ERI3: variants seen among roughly 807,000 people sequenced by gnomAD.
ERI3 encodes the protein ERI1 exoribonuclease family member 3, also known as ERI1 exoribonuclease 3.
Under a neutral mutation model 44.4 loss-of-function variants are expected in ERI3, and 18 were observed. The observed-to-expected ratio is 0.41, with a 90% CI of 0.28 to 0.60. The LOEUF is 0.60. Ranked by LOEUF, ERI3 falls within the 20% of genes least tolerant of loss-of-function variation. The pLI is 0.36. For synonymous variants in ERI3, 183 were observed against 164.8 expected, an observed-to-expected ratio of 1.11 and a Z score of -0.84; for missense variants, 294 against 435.5, an observed-to-expected ratio of 0.68 and a Z score of 2.89.
chr1:44,330,248 A>T (rs927985647), intron 3 of ERI3, among the ~76,000 whole-genome samples: 3 of 152,204 alleles, frequency 2.0e-5, no homozygotes, highest in African/African-American at 4.8e-5. Context: ...GGCATCTCCA[A>T]ATAAGTGCCT....
rs1182797796 is a variant in ERI3 at position 44,223,280 on chromosome 1, GTC to G, written c.932-1642_932-1641del. Among the ~76,000 whole-genome samples the G allele has an allele frequency of 4.6e-5, 7 of 152,104 alleles. No homozygotes were observed. In the South Asian group the frequency reaches 6.2e-4, roughly 14 times the overall value. ...CCGCTCAGCTGAGGCCCCATCATTT[GTC>G]TCTCTTAGTGTGTGTGCCTATGCTT... On this transcript the variant is annotated intron_variant, in intron 8 of 8. Transcript: ENST00000372257.
At chr1:44,236,170 C>T (rs1411675394) in intron 8 of ERI3, among the ~76,000 whole-genome samples, 1 of 152,168 alleles carries the variant, frequency 6.6e-6, no homozygotes, top group Non-Finnish European at 1.5e-5. Flanking sequence ...ACTTCCCTAG[C>T]TGCCTCCCCC....
chr1:44,318,344 T>C (rs909531717), intron 4 of ERI3, among the ~76,000 whole-genome samples: 1 of 152,232 alleles, frequency 6.6e-6, no homozygotes, highest in Non-Finnish European at 1.5e-5. Context: ...AGAAAGTCTT[T>C]CCTTCCCTTC....
At chr1:44,264,290 C>G (rs1316087367) in intron 7 of ERI3, among the ~76,000 whole-genome samples, 2 of 152,148 alleles carry the variant, frequency 1.3e-5, no homozygotes, top group East Asian at 3.9e-4. Flanking sequence ...CAAGAAACAT[C>G]CTGCTTAGCC....
Position 44,322,914 on chromosome 1 carries a change from C to T in ERI3, c.490-3170G>A, listed in dbSNP as rs769995064. 3.3e-6 allele frequency: 5 copies of T among 1,507,962 alleles called. No homozygotes were observed. In the South Asian group the frequency reaches 3.9e-5, roughly 12 times the overall value. 93.4% of individuals were successfully genotyped at this position (1,507,962 alleles called of 1,614,324 possible). On this transcript the variant is annotated intron_variant, in intron 3 of 8. Coordinates refer to ENST00000372257, the MANE Select transcript of ERI3 (RefSeq NM_024066.3). ...AATGATCAGAGATGGAACCCCAACA[C>T]TACAGGTTAGTGGCATTAATCCCAA...
chr1:44,352,722 A>T, intron 2 of ERI3, 128 bp downstream of exon 2: 1 of 950,630 alleles, frequency 1.1e-6, no homozygotes, highest in Non-Finnish European at 1.6e-6. Flanking sequence ...AAAAAATATG[A>T]TTCGTTTAGA....
rs1228296826 is a variant in ERI3, at chr1:44,221,708, CA to C, written c.932-69del. The C allele has an allele frequency of 7.4e-7, 1 of 1,348,268 alleles. No homozygotes were observed. The highest frequency in any genetic ancestry group is 1.1e-6 in the Non-Finnish European group (1 of 941,528). The allele number at this position is 1,348,268 out of a possible 1,614,324, so 83.5% of individuals were successfully genotyped here. ...CCCTCCATGCCCACAGGTGCTCTTA[CA>C]AGGGTGGGGGTGGGAAGCAGGGTCA... On this transcript the variant is annotated intron_variant, in intron 8 of 8. Transcript: ENST00000372257. The surrounding 1 kb of genome is among the most constrained non-coding windows in gnomAD (Gnocchi z 5.9).
intron 7 of ERI3, among the ~76,000 whole-genome samples, chr1:44,280,346 T>C (rs1236522837): frequency 6.6e-5 from 10 of 152,184 alleles, no homozygotes; most frequent in African/African-American, 2.2e-4. Context: ...GACTAAACCA[T>C]TTAATACTCA....
rs971932906 is a variant in ERI3 at position 44,314,155 on chromosome 1, G to GC, written c.607-928_607-927insG. On this transcript the variant is annotated intron_variant, in intron 4 of 8. Transcript: ENST00000372257. ...AACTTCTTTTTTTTAAAGTGTGTTGGGGGGGGGGAGATTAAACTCCAATTA... is the reference window on the plus strand; with the variant it reads ...AACTTCTTTTTTTTAAAGTGTGTTGGCGGGGGGGGAGATTAAACTCCAATTA... 6.0e-5 allele frequency among the ~76,000 whole-genome samples: 9 copies of GC among 149,882 alleles called. No individual in the cohort carries two copies. In the South Asian group the frequency reaches 1.1e-3, roughly 18 times the overall value.
chr1:44,341,266 C>G (rs1255761617), intron 2 of ERI3, among the ~76,000 whole-genome samples: 1 of 152,206 alleles, frequency 6.6e-6, no homozygotes. Context: ...AACAATAGCA[C>G]CTACTCCTTA....
intron 7 of ERI3, among the ~76,000 whole-genome samples, chr1:44,272,539 C>A (rs1645107397): frequency 6.6e-6 from 1 of 152,092 alleles, no homozygotes; most frequent in African/African-American, 2.4e-5. Flanking sequence ...TTGCAGATAA[C>A]ATTGTAATTA....
chr1:44,272,093 G>A (rs536295684), intron 7 of ERI3, among the ~76,000 whole-genome samples: 6 of 152,286 alleles, frequency 3.9e-5, no homozygotes, highest in Admixed American at 1.3e-4. Flanking sequence ...AGGGACAAGC[G>A]AAGGGCAGGG....
intron 7 of ERI3, among the ~76,000 whole-genome samples, chr1:44,260,694 C>G (rs1644876006): frequency 1.3e-5 from 2 of 152,154 alleles, no homozygotes; most frequent in South Asian, 4.1e-4. Context: ...TCTTAGGTCT[C>G]TTCTTGATCT....
chr1:44,354,901 T>C lies in ERI3; in HGVS notation c.126A>G (p.Gln42=), dbSNP rs990504806. 6 of 1,316,866 alleles carry C rather than the reference T, an allele frequency of 4.6e-6. No homozygotes were observed. Among genetic ancestry groups the C allele is most frequent in the African/African-American group, 4.5e-5 (3 of 66,358 alleles). The allele number at this position is 1,316,866 out of a possible 1,614,324, so 81.6% of individuals were successfully genotyped here. A position where few individuals can be genotyped will look rare whatever the true frequency, so the allele number is the denominator to read the frequency against. ...ATTCAGCATCACCCACCCCGGGGTG[T>C]TGCCCCCAACTCGGGCCCATCCAAG... ...PWTWMGPSWG[Q]HPGHWGFPAL... is the part of the protein sequence containing the mutation. The change falls in exon 1 of 9, where the codon CAA becomes CAG. Residue 42 remains glutamine, a synonymous_variant. Transcript: ENST00000372257.
intron 6 of ERI3, among the ~76,000 whole-genome samples, chr1:44,293,293 A>G (rs1025172642): frequency 1.3e-5 from 2 of 152,238 alleles, no homozygotes; most frequent in Admixed American, 1.3e-4. Flanking sequence ...CTGAGCCCCA[A>G]GGTGAGGCCG....
intron 6 of ERI3, among the ~76,000 whole-genome samples, chr1:44,307,509 A>G (rs920381472): frequency 2.0e-5 from 3 of 152,164 alleles, no homozygotes; most frequent in Non-Finnish European, 2.9e-5. Context: ...ATGACTCCTC[A>G]GCAAACAGTG....
Position 44,352,859 on chromosome 1 carries a change from C to T in ERI3, c.202G>A (p.Val68Ile), listed in dbSNP as rs1168157723. 1.2e-6 allele frequency: 2 copies of T among 1,614,028 alleles called. No individual in the cohort carries two copies. Among genetic ancestry groups the T allele is most frequent in the African/African-American group, 1.3e-5 (1 of 74,904 alleles). ...GCAACAGGATTCTCACCTCTCCTTA[C>T]TTCGAAGATGCCAAGACCGGCAGCT... ...SPAAGLGIFE[V>I]RRVLDASGCS... Residue 68 changes from valine (V) to isoleucine (I), a missense_variant, in exon 2 of 9, where the codon GTA becomes ATA. Val to Ile is a conservative substitution (Grantham distance 29, BLOSUM62 3). Around this residue, in one of 2 missense-constraint regions of ERI3, gnomAD observed 107 missense variants for 96.9 expected, o/e 1.10. Coordinates refer to ENST00000372257, the MANE Select transcript of ERI3 (RefSeq NM_024066.3).
intron 8 of ERI3, among the ~76,000 whole-genome samples, chr1:44,238,018 G>A (rs1644344809): frequency 1.3e-5 from 2 of 152,102 alleles, no homozygotes; most frequent in Admixed American, 1.3e-4. Context: ...CCCTGCCCCA[G>A]AATACCTCCT....
chr1:44,259,441 A>C (rs1644843151), intron 7 of ERI3, among the ~76,000 whole-genome samples: 1 of 152,176 alleles, frequency 6.6e-6, no homozygotes, highest in South Asian at 2.1e-4. Flanking sequence ...GATGCAGCCC[A>C]TGCAGGACCT....
Sources: allele counts gnomAD v4.1 joint callset (sites outside exome capture counted in the v4.1 genomes callset), GRCh38; gene constraint gnomAD v4.1.1; regional missense constraint gnomAD v4.1.1; non-coding constraint Gnocchi (gnomAD v3.1); transcripts MANE v1.5; gene names NCBI Gene and HGNC (gene_info 2026-07-23, HGNC 2026-07-21).